PCDH9: variants seen among roughly 807,000 people sequenced by gnomAD.
PCDH9 encodes the protein protocadherin 9, also known as protocadherin-9.
Under a neutral mutation model 70.6 loss-of-function variants are expected in PCDH9, and 24 were observed. That is an observed-to-expected ratio of 0.34 (90% CI 0.25 to 0.48). PCDH9 has a LOEUF of 0.48. Ranked by LOEUF, PCDH9 falls within the 20% of genes least tolerant of loss-of-function variation. The probability of loss-of-function intolerance (pLI) is 0.99; values close to 1 mark genes in which losing one functional copy is unlikely to be tolerated. For synonymous variants in PCDH9, 562 were observed against 558.5 expected (o/e 1.01, Z -0.09); for missense variants, 1,281 against 1,503.6 (o/e 0.85, Z 2.45).
intron 2 of PCDH9, among the ~76,000 whole-genome samples, chr13:67,113,460 A>G (rs2086695588): frequency 6.6e-6 from 1 of 152,212 alleles, no homozygotes; most frequent in Admixed American, 6.5e-5. Context: ...TGCAAGTAAT[A>G]TAAGACTGTT....
chr13:66,694,406 T>C (rs2078529953), intron 3 of PCDH9, among the ~76,000 whole-genome samples: 1 of 152,136 alleles, frequency 6.6e-6, no homozygotes, highest in African/African-American at 2.4e-5. Context: ...AAAGTTGCAT[T>C]TACTCCTCAA....
intron 3 of PCDH9, among the ~76,000 whole-genome samples, chr13:66,830,303 A>C (rs1157495745): frequency 3.9e-5 from 6 of 152,184 alleles, no homozygotes; most frequent in African/African-American, 1.4e-4. Flanking sequence ...TAAAGTCTAG[A>C]GGCTGCTTCA....
chr13:67,036,256 G>A (rs1166962938), intron 2 of PCDH9, among the ~76,000 whole-genome samples: 1 of 152,156 alleles, frequency 6.6e-6, no homozygotes, highest in Non-Finnish European at 1.5e-5. Flanking sequence ...GTACAGTGAG[G>A]TTGGTTTTTG....
intron 3 of PCDH9, among the ~76,000 whole-genome samples, chr13:66,726,800 T>A (rs942621078): frequency 6.6e-6 from 1 of 152,256 alleles, no homozygotes; most frequent in African/African-American, 2.4e-5. Context: ...CTAACTTGCA[T>A]AGATTTAATC....
chr13:66,755,336 C>G (rs539070645), intron 3 of PCDH9, among the ~76,000 whole-genome samples: 49 of 152,276 alleles, frequency 3.2e-4, no homozygotes, highest in African/African-American at 1.2e-3. Context: ...AGAGTTAGGA[C>G]TGTCTTATGC....
chr13:66,743,556 A>G (rs2079306650), intron 3 of PCDH9, among the ~76,000 whole-genome samples: 1 of 152,152 alleles, frequency 6.6e-6, no homozygotes, highest in African/African-American at 2.4e-5. Context: ...AGACAGGAGG[A>G]ATAAGGCCAA....
At chr13:67,092,967 A>AG (rs1320443162) in intron 2 of PCDH9, among the ~76,000 whole-genome samples, 1 of 152,096 alleles carries the variant, frequency 6.6e-6, no homozygotes, top group African/African-American at 2.4e-5. Context: ...GGGGGAAAAA[A>AG]AAACTATAGT....
At chr13:66,595,749 T>G (rs1465294351) in intron 4 of PCDH9, among the ~76,000 whole-genome samples, 2 of 151,760 alleles carry the variant, frequency 1.3e-5, no homozygotes, top group Non-Finnish European at 3.0e-5. Context: ...TGAATAGTCA[T>G]TGGTAATCAC....
intron 4 of PCDH9, among the ~76,000 whole-genome samples, chr13:66,604,337 T>C (rs1366913217): frequency 6.6e-6 from 1 of 152,102 alleles, no homozygotes; most frequent in Non-Finnish European, 1.5e-5. Context: ...ATAAAAATAT[T>C]ATACATATAA....
intron 3 of PCDH9, among the ~76,000 whole-genome samples, chr13:66,687,513 C>T (rs550616902): frequency 6.6e-6 from 1 of 151,432 alleles, no homozygotes; most frequent in Non-Finnish European, 1.5e-5. Flanking sequence ...AGATCTCTTC[C>T]AGTTTTATAC....
intron 4 of PCDH9, among the ~76,000 whole-genome samples, chr13:66,424,034 A>C (rs1267870087): frequency 3.3e-5 from 5 of 152,146 alleles, no homozygotes; most frequent in Admixed American, 6.6e-5. Flanking sequence ...CACCAATAAT[A>C]GACAAACAGA....
rs73509421 is a variant in PCDH9, at chr13:67,106,857, T to C, written c.3036+118548A>G. On this transcript the variant is annotated intron_variant, in intron 2 of 4. Transcript: ENST00000377865. ...CAAAGTTGAGGCTGAGCCCAGGAGCTGTTGCAACACAGCCCTGTGTGTGGG... is the reference window on the plus strand; with the variant it reads ...CAAAGTTGAGGCTGAGCCCAGGAGCCGTTGCAACACAGCCCTGTGTGTGGG... Among the ~76,000 whole-genome samples, 253 of 152,314 alleles carry C rather than the reference T, an allele frequency of 1.7e-3. 1 individual carries two copies. Among genetic ancestry groups the C allele is most frequent in the African/African-American group, 5.9e-3 (246 of 41,576 alleles).
intron 4 of PCDH9, among the ~76,000 whole-genome samples, chr13:66,585,548 T>C (rs149935991): frequency 6.6e-6 from 1 of 152,268 alleles, no homozygotes; most frequent in Non-Finnish European, 1.5e-5. Context: ...TATCTCTTCA[T>C]TTAAGAACTT....
chr13:66,612,248 AC>A, intron 4 of PCDH9, among the ~76,000 whole-genome samples: 1 of 152,292 alleles, frequency 6.6e-6, no homozygotes, highest in South Asian at 2.1e-4. Flanking sequence ...TAAACAACAA[AC>A]CAAATAATGC....
rs150059821 is a variant in PCDH9 at position 66,488,522 on chromosome 13, G to C, written c.3340+142688C>G. ...ATGAGAGATTTTTATGAGTAATTAT[G>C]TGGCACAAGTATAAAAACTCAGCAA... On this transcript the variant is annotated intron_variant, in intron 4 of 4. Transcript: ENST00000377865. Among the ~76,000 whole-genome samples, 704 of 152,168 alleles carry C rather than the reference G, an allele frequency of 4.6e-3. 31 individuals are homozygous for C. The East Asian group carries it at 0.091, about 20-fold the overall frequency.
At chr13:66,665,918 A>G (rs1203757518) in intron 3 of PCDH9, among the ~76,000 whole-genome samples, 1 of 152,156 alleles carries the variant, frequency 6.6e-6, no homozygotes, top group Non-Finnish European at 1.5e-5. Flanking sequence ...CATCCACTAA[A>G]GAGGGACATA....
chr13:66,721,709 C>G (rs1374232741), intron 3 of PCDH9, among the ~76,000 whole-genome samples: 1 of 152,172 alleles, frequency 6.6e-6, no homozygotes, highest in Non-Finnish European at 1.5e-5. Context: ...ATTCTGAAAT[C>G]AAGAAACTTG....
chr13:66,596,861 G>C (rs2077110179), intron 4 of PCDH9, among the ~76,000 whole-genome samples: 1 of 146,522 alleles, frequency 6.8e-6, no homozygotes, highest in South Asian at 2.1e-4. Context: ...TTGTGCTGTA[G>C]CAGAACATGG....
intron 2 of PCDH9, among the ~76,000 whole-genome samples, chr13:66,918,778 T>A (rs1350952134): frequency 1.3e-5 from 2 of 151,312 alleles, no homozygotes; most frequent in Non-Finnish European, 3.0e-5. Flanking sequence ...TGTAAAAGAT[T>A]TATGATGATA....
Sources: allele counts gnomAD v4.1 joint callset (sites outside exome capture counted in the v4.1 genomes callset), GRCh38; gene constraint gnomAD v4.1.1; transcripts MANE v1.5; gene names NCBI Gene and HGNC (gene_info 2026-07-23, HGNC 2026-07-21).